The following SLC37A3 variants were observed in gnomAD, a reference collection of about 807,000 sequenced individuals.
SLC37A3 encodes the protein sugar phosphate exchanger 3.
Under a neutral mutation model 67.1 loss-of-function variants are expected in SLC37A3, and 51 were observed. The ratio of observed to expected loss-of-function variants is 0.76; its 90% confidence interval spans 0.61 to 0.96. SLC37A3 has a LOEUF of 0.96. Ranked by LOEUF, SLC37A3 falls within the 40% of genes least tolerant of loss-of-function variation. The pLI, the probability that SLC37A3 is intolerant of heterozygous loss-of-function variation, is 0.00. For synonymous variants in SLC37A3, 214 were observed against 231.4 expected (o/e 0.92, Z 0.68); for missense variants, 508 against 603.0 (o/e 0.84, Z 1.65).
At chr7:140,357,224 C>CA (rs961461005) in intron 6 of SLC37A3, among the ~76,000 whole-genome samples, 1 of 150,478 alleles carries the variant, frequency 6.6e-6, no homozygotes, top group African/African-American at 2.4e-5. Flanking sequence ...TGGGGAAAAA[C>CA]AAAAAAAAGG....
At chr7:140,362,066 A>G (rs1797332913) in intron 5 of SLC37A3, among the ~76,000 whole-genome samples, 1 of 117,224 alleles carries the variant, frequency 8.5e-6, no homozygotes, top group African/African-American at 3.3e-5. Context: ...GAAAGTGAGG[A>G]GCGTCTCTGC....
At chr7:140,378,298 C>T (rs1798110645) in intron 3 of SLC37A3, among the ~76,000 whole-genome samples, 1 of 152,178 alleles carries the variant, frequency 6.6e-6, no homozygotes, top group Non-Finnish European at 1.5e-5. Flanking sequence ...AAAATGTAAG[C>T]ATCCACCTCA....
chr7:140,373,915 CA>C (rs1797920833), intron 3 of SLC37A3, among the ~76,000 whole-genome samples: 2 of 152,034 alleles, frequency 1.3e-5, no homozygotes, highest in African/African-American at 4.8e-5. Context: ...AAAACAATGC[CA>C]CTCATTATTT....
intron 12 of SLC37A3, chr7:140,343,841 T>G: frequency 2.8e-6 from 1 of 357,202 alleles, no homozygotes; most frequent in East Asian, 7.7e-5. Context: ...GAAGTTTACA[T>G]TCATTAATAA....
At chr7:140,385,142 T>C (rs974834207) in intron 1 of SLC37A3, among the ~76,000 whole-genome samples, 10 of 152,238 alleles carry the variant, frequency 6.6e-5, no homozygotes, top group Non-Finnish European at 1.5e-4. Context: ...GTTGTAAGGC[T>C]AAAAGTAACA....
At chr7:140,382,400 GA>G in intron 2 of SLC37A3, 37 bp downstream of exon 2, 1 of 1,584,964 alleles carries the variant, frequency 6.3e-7, no homozygotes, top group Non-Finnish European at 8.7e-7. Flanking sequence ...AAAGAAAAAA[GA>G]AAAAAAGCAG....
chr7:140,392,312 CA>C (rs1274958113), intron 1 of SLC37A3, among the ~76,000 whole-genome samples: 3 of 152,176 alleles, frequency 2.0e-5, no homozygotes, highest in Non-Finnish European at 4.4e-5. Flanking sequence ...TATAGTCAAC[CA>C]AGGTAACTAT....
chr7:140,355,519 T>G, intron 7 of SLC37A3, 149 bp downstream of exon 7: 1 of 706,154 alleles, frequency 1.4e-6, no homozygotes, highest in Non-Finnish European at 2.2e-6. Flanking sequence ...CGGCCAGAAG[T>G]TTGTCTACTT....
At chr7:140,362,354 C>T in intron 5 of SLC37A3, among the ~76,000 whole-genome samples, 1 of 145,278 alleles carries the variant, frequency 6.9e-6, no homozygotes, top group African/African-American at 2.5e-5. Flanking sequence ...CTCCGTCCGG[C>T]AGCCACCCCG....
chr7:140,380,189 G>A (rs1421195892), intron 3 of SLC37A3, 93 bp downstream of exon 3: 1 of 664,496 alleles, frequency 1.5e-6, no homozygotes, highest in Non-Finnish European at 2.6e-6. Context: ...TCAGAGTCTA[G>A]GCAAGTAAAA....
chr7:140,364,605 T>G (rs549615217), intron 4 of SLC37A3, 114 bp from the exon 5 acceptor site: 556 of 974,518 alleles, frequency 5.7e-4, no homozygotes, highest in Admixed American at 9.5e-4. Context: ...TTAACTCTTA[T>G]ACACATGCCG....
rs764968001 is a variant in SLC37A3 at position 140,369,655 on chromosome 7, T to C, written c.226A>G (p.Ser76Gly). The change falls in exon 4 of 15, where the codon AGT becomes GGT. Residue 76 changes from serine to glycine, a missense_variant. Physicochemically the swap from Ser to Gly is moderately conservative, Grantham distance 56. Coordinates refer to ENST00000326232, the MANE Select transcript of SLC37A3 (RefSeq NM_207113.3). ...AGGAAAAGAGTCGCTTTCTCTGCAC[T>C]GGGGAACAAATGGTTGCTGCTCCAG... ...EIWSSNHLFP[S>G]AEKATLFLGT... 12 of 1,610,496 alleles carry C rather than the reference T, an allele frequency of 7.5e-6. No individual in the cohort carries two copies. Among genetic ancestry groups the C allele is most frequent in the Non-Finnish European group, 1.0e-5 (12 of 1,177,908 alleles).
chr7:140,378,902 C>G (rs1798136484), intron 3 of SLC37A3, among the ~76,000 whole-genome samples: 1 of 151,608 alleles, frequency 6.6e-6, no homozygotes, highest in South Asian at 2.1e-4. Flanking sequence ...CAAAAATTAG[C>G]CAGGCTTGGT....
intron 5 of SLC37A3, among the ~76,000 whole-genome samples, chr7:140,360,719 G>C (rs1255882638): frequency 7.3e-6 from 1 of 136,880 alleles, no homozygotes; most frequent in Non-Finnish European, 1.5e-5. Context: ...GGGTGACAGA[G>C]CAAGACTCCG....
intron 13 of SLC37A3, among the ~76,000 whole-genome samples, chr7:140,338,767 C>T (rs904734544): frequency 4.1e-5 from 6 of 148,040 alleles, no homozygotes; most frequent in East Asian, 2.0e-4. Flanking sequence ...CCACTGCGCC[C>T]GGACTTTCTT....
At chr7:140,344,843 A>G (rs1476780742) in intron 12 of SLC37A3, among the ~76,000 whole-genome samples, 3 of 152,232 alleles carry the variant, frequency 2.0e-5, no homozygotes, top group African/African-American at 7.2e-5. Flanking sequence ...CTCAAGTGAC[A>G]AAATGCTGAC....
chr7:140,395,630 C>T (rs1040016857), intron 1 of SLC37A3, among the ~76,000 whole-genome samples: 1 of 151,978 alleles, frequency 6.6e-6, no homozygotes, highest in African/African-American at 2.4e-5. Flanking sequence ...ATTGCTTGAA[C>T]CCAGGAGGCG....
rs577169283 is a variant in SLC37A3 at position 140,372,611 on chromosome 7, C to A, written c.199-2929G>T. 3.5e-4 allele frequency among the ~76,000 whole-genome samples: 53 copies of A among 152,172 alleles called. No individual in the cohort carries two copies. The South Asian group carries it at 0.011, about 30-fold the overall frequency. On this transcript the variant is annotated intron_variant, in intron 3 of 14. Coordinates refer to ENST00000326232, the MANE Select transcript of SLC37A3 (RefSeq NM_207113.3). ...GGAGGGGTGGCTCACACCTGTAATC[C>A]CAGCACTTTGGGAGGCCGAGGAGGG...
At chr7:140,354,712 T>G (rs1796948898) in intron 7 of SLC37A3, among the ~76,000 whole-genome samples, 1 of 151,684 alleles carries the variant, frequency 6.6e-6, no homozygotes, top group Non-Finnish European at 1.5e-5. Flanking sequence ...CTTTACATAT[T>G]AGGGGGGATT....
Sources: allele counts gnomAD v4.1 joint callset (sites outside exome capture counted in the v4.1 genomes callset), GRCh38; gene constraint gnomAD v4.1.1; transcripts MANE v1.5; gene names NCBI Gene and HGNC (gene_info 2026-07-23, HGNC 2026-07-21).